SCN4A: variants seen among roughly 807,000 people sequenced by gnomAD.
SCN4A encodes sodium channel protein type 4 subunit alpha.
SCN4A carries 83 observed loss-of-function variants against 162.0 expected under a neutral mutation model. The ratio of observed to expected loss-of-function variants is 0.51; its 90% confidence interval spans 0.43 to 0.61. The LOEUF (loss-of-function observed/expected upper bound fraction) is 0.61, where lower values mean the gene tolerates loss of function less well. Ranked by LOEUF, SCN4A falls within the 20% of genes least tolerant of loss-of-function variation. SCN4A has a pLI of 0.00. For missense variants in SCN4A, 2,196 were observed against 2,462.5 expected (o/e 0.89, Z 2.29); for synonymous variants, 944 against 985.1 (o/e 0.96, Z 0.78).
At chr17:63,961,774 C>A in intron 10 of SCN4A, 1 of 306,110 alleles carries the variant, frequency 3.3e-6, no homozygotes, top group South Asian at 4.7e-5. Flanking sequence ...CCGCCCTCTA[C>A]TTCAAGTTCC....
In SCN4A at chr17:63,948,080, C is replaced by T; in HGVS notation, c.3145-17G>A. 6.3e-7 allele frequency: 1 copy of T among 1,583,582 alleles called. No individual in the cohort carries two copies. The highest frequency in any genetic ancestry group is 8.6e-7 in the Non-Finnish European group (1 of 1,158,784). On this transcript the variant is annotated splice_polypyrimidine_tract_variant and intron_variant, in intron 16 of 23. Transcript: ENST00000435607. ...CTCGAAGGCCTGGGGGCACCAGCACCACCAGGGTGGCTGGGGTCCAGCAGG... is the reference window on the plus strand; with the variant it reads ...CTCGAAGGCCTGGGGGCACCAGCACTACCAGGGTGGCTGGGGTCCAGCAGG...
intron 22 of SCN4A, 35 bp from the exon 23 acceptor site, chr17:63,943,131 G>C: frequency 6.3e-7 from 1 of 1,590,252 alleles, no homozygotes. Flanking sequence ...TGGAGGAGTT[G>C]GGGTGGCCAG....
At chr17:63,968,860 G>T (rs1197131621) in intron 5 of SCN4A, among the ~76,000 whole-genome samples, 1 of 152,080 alleles carries the variant, frequency 6.6e-6, no homozygotes, top group Non-Finnish European at 1.5e-5. Flanking sequence ...TATTTATTTA[G>T]AGAGAGTCTC....
Position 63,968,068 on chromosome 17 carries a change from C to T in SCN4A, c.991G>A (p.Ala331Thr), listed in dbSNP as rs1457382712. Reference sequence around the variant, plus strand: ...TCCCAATCAAAGGTATCGTTGGTGGCCCAGCTTGCATGGCTGTTCCACGTG... The same window carrying T: ...TCCCAATCAAAGGTATCGTTGGTGGTCCAGCTTGCATGGCTGTTCCACGTG... ...NDTWNSHASW[A>T]TNDTFDWDAY... is the part of the protein sequence containing the mutation. Residue 331 changes from alanine (A) to threonine (T), a missense_variant, in exon 6 of 24, where the codon GCC becomes ACC. Physicochemically the swap from Ala to Thr is moderately conservative, Grantham distance 58. Coordinates refer to ENST00000435607, the MANE Select transcript of SCN4A (RefSeq NM_000334.4). 1 of 1,613,994 alleles carries T rather than the reference C, an allele frequency of 6.2e-7. No homozygotes were observed. The highest frequency in any genetic ancestry group is 1.7e-5 in the Admixed American group (1 of 60,022).
At chr17:63,960,730 T>C (rs73326351) in intron 11 of SCN4A, among the ~76,000 whole-genome samples, 11,900 of 151,932 alleles carry the variant, frequency 0.078, 1,144 homozygotes, top group African/African-American at 0.23. Flanking sequence ...TAGGTGAGGG[T>C]TGGGGGAGTA....
At position 63,950,377 on chromosome 17, in the gene SCN4A, AC is replaced by A. The variant is rs968030665; in HGVS notation, c.2854-850del. Among the ~76,000 whole-genome samples, 30 of 152,184 alleles carry A rather than the reference AC, an allele frequency of 2.0e-4. No homozygotes were observed. The highest frequency in any genetic ancestry group is 7.0e-4 in the African/African-American group (29 of 41,538). ...ACTGAGTTGCTTGCCCCGATTGTGCACTCAACTCCCTAAATCTCCCTTGGAG... is the reference window on the plus strand; with the variant it reads ...ACTGAGTTGCTTGCCCCGATTGTGCATCAACTCCCTAAATCTCCCTTGGAG... On this transcript the variant is annotated intron_variant, in intron 14 of 23. Transcript: ENST00000435607. The surrounding 1 kb of genome is among the most constrained non-coding windows in gnomAD (Gnocchi z 4.6).
chr17:63,963,690 T>A lies in SCN4A; in HGVS notation c.1588A>T (p.Ile530Phe). 6.3e-7 allele frequency: 1 copy of A among 1,590,690 alleles called. No homozygotes were observed. Among genetic ancestry groups the A allele is most frequent in the Non-Finnish European group, 8.6e-7 (1 of 1,168,748 alleles). ...PRQSSSGDSG[I>F]SDAMEELEEA... ...CACTCACCTTCCATGGCGTCGGAGA[T>A]GCCGCTGTCTCCGCTGCTGCTCTGC... Residue 530 changes from isoleucine to phenylalanine, a missense_variant, in exon 10 of 24, where the codon ATC (isoleucine) becomes TTC (phenylalanine). Physicochemically the swap from Ile to Phe is conservative, Grantham distance 21 (BLOSUM62 0). Coordinates refer to ENST00000435607, the MANE Select transcript of SCN4A (RefSeq NM_000334.4).
Position 63,968,181 on chromosome 17 carries a change from G to A in SCN4A, c.878C>T (p.Thr293Met), listed in dbSNP as rs747481717. The A allele has an allele frequency of 3.0e-5, 48 of 1,613,838 alleles. No homozygotes were observed. The highest frequency in any genetic ancestry group is 3.6e-5 in the Non-Finnish European group (42 of 1,179,904). ...WPPPFNDTNT[T>M]WYSNDTWYGN... The stretch of plus-strand genomic sequence containing the variant: ...GTACCACGTGTCATTGCTGTACCAC[G>A]TGGTGTTGGTGTCGTTGAACGGCGG... Residue 293 changes from threonine (T) to methionine (M), a missense_variant, in exon 6 of 24, where the codon ACG becomes ATG. Transcript: ENST00000435607.
In SCN4A at chr17:63,938,583, G is replaced by A. The variant is rs1182899761; in HGVS notation, c.*2188C>T. On this transcript the variant is annotated 3_prime_UTR_variant, in exon 24 of 24. Coordinates refer to ENST00000435607, the MANE Select transcript of SCN4A (RefSeq NM_000334.4). ...AGGCACCAAGGAGGGTTTATTGTAA[G>A]AACTGTACAAAGGAGCCCGCCTGCT... 1 of 152,658 alleles carries A rather than the reference G, an allele frequency of 6.6e-6. No individual in the cohort carries two copies. Among genetic ancestry groups the A allele is most frequent in the African/African-American group, 2.4e-5 (1 of 41,472 alleles). 9.5% of individuals were successfully genotyped at this position (152,658 alleles called of 1,614,324 possible).
Position 63,971,016 on chromosome 17 carries a change from C to T in SCN4A, c.703+146G>A, listed in dbSNP as rs770896090. The T allele has an allele frequency of 3.3e-5, 21 of 633,754 alleles. No homozygotes were observed. In the East Asian group the frequency reaches 3.3e-4, roughly 10 times the overall value. The allele number at this position is 633,754 out of a possible 1,614,324, so 39.3% of individuals were successfully genotyped here. The stretch of plus-strand genomic sequence containing the variant: ...TAGGACCCCATCTGCCCTCTGGTCA[C>T]GTGGGCCCCTGTATGTCCAGGCTTT... On this transcript the variant is annotated intron_variant, in intron 5 of 23. Coordinates refer to ENST00000435607, the MANE Select transcript of SCN4A (RefSeq NM_000334.4).
intron 6 of SCN4A, among the ~76,000 whole-genome samples, chr17:63,967,545 G>GGGCT (rs1296177416): frequency 6.6e-6 from 1 of 152,178 alleles, no homozygotes; most frequent in Non-Finnish European, 1.5e-5. Context: ...AGGATTCGGA[G>GGGCT]GGCTGGGGAG....
rs1299137242 is a variant in SCN4A at position 63,948,605 on chromosome 17, G to A, written c.3144+6C>T. 1.2e-6 allele frequency: 2 copies of A among 1,612,342 alleles called. No homozygotes were observed. The highest frequency in any genetic ancestry group is 2.7e-5 in the African/African-American group (2 of 74,908). The stretch of plus-strand genomic sequence containing the variant: ...CCCCTGACCCGTGCTCCCAGGCAGT[G>A]CCTACCAGAGCCCCACTGCTGAGCA... On this transcript the variant is annotated splice_donor_region_variant and intron_variant, in intron 16 of 23. Transcript: ENST00000435607.
At position 63,961,423 on chromosome 17, in the gene SCN4A, CTTCCAG is replaced by C. The variant is rs1033415428; in HGVS notation, c.1609_1614del (p.Leu537_Glu538del). ...CATGGTGGGCACTTTTGGTGGGCCT[CTTCCAG>C]TTCTGGGAGAGGGGTGGTAGCAGGT... On this transcript the variant is annotated inframe_deletion and splice_region_variant, in exon 11 of 24. Coordinates refer to ENST00000435607, the MANE Select transcript of SCN4A (RefSeq NM_000334.4). 6.2e-7 allele frequency: 1 copy of C among 1,612,512 alleles called. No individual in the cohort carries two copies. The highest frequency in any genetic ancestry group is 1.3e-5 in the African/African-American group (1 of 74,960).
At chr17:63,961,885 C>A (rs1177506714) in intron 10 of SCN4A, among the ~76,000 whole-genome samples, 2 of 146,276 alleles carry the variant, frequency 1.4e-5, no homozygotes, top group Non-Finnish European at 3.0e-5. Flanking sequence ...CCCCCGGCTC[C>A]AAGCTCCTCC....
At position 63,941,802 on chromosome 17, in the gene SCN4A, A is replaced by T; in HGVS notation, c.4480T>A (p.Phe1494Ile). Reference protein sequence around the residue: ...NIGLLLFLVMFIYSIFGMSNF... With the variant: ...NIGLLLFLVMIIYSIFGMSNF... ...GACATGCCGAAGATGGAGTAGATGA[A>T]CATGACCAGGAAGAGGAGGAGGCCG... The change falls in exon 24 of 24, where the codon TTC (phenylalanine) becomes ATC (isoleucine). Residue 1494 changes from phenylalanine (F) to isoleucine (I), a missense_variant. Physicochemically the swap from Phe to Ile is conservative, Grantham distance 21. Transcript: ENST00000435607. This position sits in a 1 kb window ranked among gnomAD's most constrained non-coding sequence, Gnocchi z 6.2. The T allele has an allele frequency of 6.2e-7, 1 of 1,614,196 alleles. No individual in the cohort carries two copies. Among genetic ancestry groups the T allele is most frequent in the Non-Finnish European group, 8.5e-7 (1 of 1,180,022 alleles).
Position 63,968,372 on chromosome 17 carries a change from C to T in SCN4A, c.704-17G>A. On this transcript the variant is annotated splice_polypyrimidine_tract_variant and intron_variant, in intron 5 of 23. Coordinates refer to ENST00000435607, the MANE Select transcript of SCN4A (RefSeq NM_000334.4). ...TCTTCAGCCCTGACCGCAGAGAGGG[C>T]AAGGATATTGGCAGGGGGCAGGGCA... 3.2e-6 allele frequency: 5 copies of T among 1,572,252 alleles called. No homozygotes were observed. Among genetic ancestry groups the T allele is most frequent in the Admixed American group, 1.7e-5 (1 of 58,292 alleles).
In SCN4A at chr17:63,957,353, A is replaced by G. The variant is rs200025736; in HGVS notation, c.2185T>C (p.Cys729Arg). The change falls in exon 13 of 24, where the codon TGC (cysteine) becomes CGC (arginine). Residue 729 changes from cysteine to arginine, a missense_variant. By Grantham distance (180) the Cys-to-Arg change is radical (BLOSUM62 -3). Coordinates refer to ENST00000435607, the MANE Select transcript of SCN4A (RefSeq NM_000334.4). ...CAGTCCAAGGCAATCTTGCACACGC[A>G]CTCCTTGTAGCTCTTGCCAAACAGC... The part of the protein sequence containing the change: ...MQLFGKSYKE[C>R]VCKIALDCNL... 2.0e-5 allele frequency: 32 copies of G among 1,613,898 alleles called. No homozygotes were observed. In the African/African-American group the frequency reaches 3.9e-4, roughly 20 times the overall value.
rs777448970 is a variant in SCN4A, at chr17:63,941,199, C to G, written c.5083G>C (p.Asp1695His). 15 of 1,613,660 alleles carry G rather than the reference C, an allele frequency of 9.3e-6. No individual in the cohort carries two copies. The part of the protein sequence containing the change: ...KEVLGDSGEM[D>H]ALKQTMEEKF... ...TCCTCCATGGTCTGCTTGAGGGCGT[C>G]CATTTCCCCAGAGTCACCCAGGACC... The change falls in exon 24 of 24, where the codon GAC becomes CAC. Residue 1695 changes from aspartate (D) to histidine (H), a missense_variant. Asp to His is a moderately conservative substitution (Grantham distance 81, BLOSUM62 -1). Coordinates refer to ENST00000435607, the MANE Select transcript of SCN4A (RefSeq NM_000334.4). This position sits in a 1 kb window ranked among gnomAD's most constrained non-coding sequence, Gnocchi z 6.2.
rs1247410670 is a variant in SCN4A, at chr17:63,950,908, C to G, written c.2853+516G>C. The stretch of plus-strand genomic sequence containing the variant: ...GCTTCTGTCCTCCTTGTCCTCAACT[C>G]CCGTTGGCCCCTAGCTCCTCTCCTG... On this transcript the variant is annotated intron_variant, in intron 14 of 23. Transcript: ENST00000435607. The surrounding 1 kb of genome is among the most constrained non-coding windows in gnomAD (Gnocchi z 4.6). 6.6e-6 allele frequency among the ~76,000 whole-genome samples: 1 copy of G among 152,252 alleles called. No homozygotes were observed. Among genetic ancestry groups the G allele is most frequent in the Non-Finnish European group, 1.5e-5 (1 of 68,042 alleles).
Sources: allele counts gnomAD v4.1 joint callset (sites outside exome capture counted in the v4.1 genomes callset), GRCh38; gene constraint gnomAD v4.1.1; non-coding constraint Gnocchi (gnomAD v3.1); transcripts MANE v1.5; gene names NCBI Gene and HGNC (gene_info 2026-07-23, HGNC 2026-07-21).